The following ATRNL1 variants were observed in gnomAD, a reference collection of about 807,000 sequenced individuals.
ATRNL1 encodes attractin like 1, also known as attractin-like protein 1.
In ATRNL1, 95 loss-of-function variants were observed where a neutral mutation model predicts 182.7. That is an observed-to-expected ratio of 0.52 (90% CI 0.44 to 0.62). The LOEUF (loss-of-function observed/expected upper bound fraction) is 0.62. Among genes scored for constraint, ATRNL1 ranks in the 20% least tolerant of loss-of-function variants. The pLI is 0.00. For synonymous variants in ATRNL1, 576 were observed against 568.3 expected, an observed-to-expected ratio of 1.01 and a Z score of -0.19; for missense variants, 1,471 against 1,679.5, an observed-to-expected ratio of 0.88 and a Z score of 2.17.
intron 26 of ATRNL1, among the ~76,000 whole-genome samples, chr10:115,658,226 G>C (rs1326661768): frequency 6.7e-6 from 1 of 150,158 alleles, no homozygotes; most frequent in East Asian, 2.0e-4. Flanking sequence ...CTCCTGAGTA[G>C]CTAGGACTAC....
At chr10:115,392,687 C>G (rs1554954618) in intron 19 of ATRNL1, among the ~76,000 whole-genome samples, 1 of 152,110 alleles carries the variant, frequency 6.6e-6, no homozygotes, top group East Asian at 1.9e-4. Flanking sequence ...GATCCATTCT[C>G]ACATAAATGT....
intron 10 of ATRNL1, among the ~76,000 whole-genome samples, chr10:115,248,815 G>A (rs190942941): frequency 5.3e-5 from 8 of 152,012 alleles, no homozygotes; most frequent in African/African-American, 1.9e-4. Flanking sequence ...AGGGGCAGGT[G>A]GGAAAAGATA....
chr10:115,785,913 C>G (rs1431949825), intron 27 of ATRNL1, among the ~76,000 whole-genome samples: 1 of 152,154 alleles, frequency 6.6e-6, no homozygotes, highest in Non-Finnish European at 1.5e-5. Flanking sequence ...GAGTTGAACA[C>G]AACTCATTTC....
intron 19 of ATRNL1, among the ~76,000 whole-genome samples, chr10:115,368,873 C>T (rs1162777948): frequency 2.0e-5 from 3 of 152,162 alleles, no homozygotes; most frequent in Admixed American, 1.3e-4. Context: ...ACCACCACGC[C>T]TGGCTAATTT....
chr10:115,794,166 C>A (rs1481474216), intron 27 of ATRNL1, among the ~76,000 whole-genome samples: 2 of 152,094 alleles, frequency 1.3e-5, no homozygotes, highest in Non-Finnish European at 2.9e-5. Flanking sequence ...AAACTCAGGC[C>A]TTGTGACACA....
intron 27 of ATRNL1, among the ~76,000 whole-genome samples, chr10:115,735,562 AT>A (rs1555065226): frequency 6.6e-6 from 1 of 152,202 alleles, no homozygotes; most frequent in African/African-American, 2.4e-5. Flanking sequence ...GTAACTGATA[AT>A]AAAATAGAAC....
chr10:115,362,630 A>G (rs1554944577), intron 19 of ATRNL1, among the ~76,000 whole-genome samples: 1 of 151,950 alleles, frequency 6.6e-6, no homozygotes, highest in African/African-American at 2.4e-5. Context: ...CTAACTCGTC[A>G]TCTAGCATTA....
chr10:115,409,417 C>CT (rs1453156820), intron 20 of ATRNL1, among the ~76,000 whole-genome samples: 3 of 152,100 alleles, frequency 2.0e-5, no homozygotes, highest in African/African-American at 7.2e-5. Flanking sequence ...ATTTTGTAAC[C>CT]TACAAGTTTA....
At chr10:115,426,200 G>C (rs1554962848) in intron 20 of ATRNL1, 50 bp from the exon 21 acceptor site, 1 of 1,461,188 alleles carries the variant, frequency 6.8e-7, no homozygotes, top group Admixed American at 1.7e-5. Flanking sequence ...AAAACATGAG[G>C]CTTTTGAATT....
chr10:115,261,377 G>T (rs1365847984), intron 10 of ATRNL1, among the ~76,000 whole-genome samples: 1 of 152,114 alleles, frequency 6.6e-6, no homozygotes, highest in East Asian at 1.9e-4. Context: ...ATAAACAGAT[G>T]AAATCTAAGA....
intron 27 of ATRNL1, among the ~76,000 whole-genome samples, chr10:115,788,550 A>G (rs972654745): frequency 6.6e-6 from 1 of 152,216 alleles, no homozygotes; most frequent in Non-Finnish European, 1.5e-5. Flanking sequence ...AGGTCTAATT[A>G]GCCAATTGCA....
chr10:115,601,139 C>T (rs1218639100), intron 26 of ATRNL1, among the ~76,000 whole-genome samples: 1 of 151,866 alleles, frequency 6.6e-6, no homozygotes, highest in Non-Finnish European at 1.5e-5. Flanking sequence ...TCATGACTTA[C>T]TTAAAAGTAT....
At chr10:115,329,265 A>G (rs1554934333) in intron 18 of ATRNL1, among the ~76,000 whole-genome samples, 1 of 151,406 alleles carries the variant, frequency 6.6e-6, no homozygotes, top group African/African-American at 2.4e-5. Flanking sequence ...ACTTCATATG[A>G]TTTTGATATA....
At chr10:115,389,203 A>G (rs1365884711) in intron 19 of ATRNL1, among the ~76,000 whole-genome samples, 1 of 151,874 alleles carries the variant, frequency 6.6e-6, no homozygotes, top group East Asian at 1.9e-4. Flanking sequence ...GCATTAATTC[A>G]TCTTGTCTTT....
At chr10:115,536,480 G>T (rs190292580) in intron 25 of ATRNL1, among the ~76,000 whole-genome samples, 15 of 152,318 alleles carry the variant, frequency 9.8e-5, no homozygotes, top group Admixed American at 1.3e-4. Flanking sequence ...CAGTATTGGG[G>T]TGGGCTTGAC....
chr10:115,900,986 A>G (rs782596225), intron 28 of ATRNL1, among the ~76,000 whole-genome samples: 12 of 152,240 alleles, frequency 7.9e-5, no homozygotes, highest in Non-Finnish European at 1.3e-4. Flanking sequence ...CTGATTCTAC[A>G]ATGTAGAAGA....
chr10:115,669,014 GAAGA>G (rs1945607899), intron 26 of ATRNL1, among the ~76,000 whole-genome samples: 1 of 152,028 alleles, frequency 6.6e-6, no homozygotes, highest in African/African-American at 2.4e-5. Flanking sequence ...ATTGTAGAAG[GAAGA>G]GAGCTTTCCA....
At chr10:115,634,785 C>T (rs2133840115) in intron 26 of ATRNL1, among the ~76,000 whole-genome samples, 1 of 152,130 alleles carries the variant, frequency 6.6e-6, no homozygotes, top group South Asian at 2.1e-4. Flanking sequence ...TATAAGTCTA[C>T]AATGCAAATA....
At chr10:115,879,106 G>A (rs1951764910) in intron 28 of ATRNL1, among the ~76,000 whole-genome samples, 1 of 151,828 alleles carries the variant, frequency 6.6e-6, no homozygotes. Flanking sequence ...TGAAATTTTA[G>A]TCTGTGTAAC....
Sources: allele counts gnomAD v4.1 joint callset (sites outside exome capture counted in the v4.1 genomes callset), GRCh38; gene constraint gnomAD v4.1.1; transcripts MANE v1.5; gene names NCBI Gene and HGNC (gene_info 2026-07-23, HGNC 2026-07-21).